Variants in CDC42 observed in about 807,000 individuals in gnomAD.
The protein encoded by CDC42 is cell division control protein 42 homolog.
CDC42 carries 1 observed loss-of-function variant against 20.8 expected under a neutral mutation model. The observed-to-expected ratio is 0.05, with a 90% CI of 0.02 to 0.23. The LOEUF is 0.23. Ranked by LOEUF, CDC42 falls within the 10% of genes least tolerant of loss-of-function variation. The pLI is 1.00. For synonymous variants in CDC42, 72 were observed against 84.8 expected, an observed-to-expected ratio of 0.85 and a Z score of 0.83; for missense variants, 49 against 227.9, an observed-to-expected ratio of 0.21 and a Z score of 5.05.
chr1:22,054,918 TATA>T (rs202044696), intron 1 of CDC42, among the ~76,000 whole-genome samples: 730 of 10,544 alleles, frequency 0.069, 10 homozygotes, highest in East Asian at 0.37. Flanking sequence ...TATATATATA[TATA>T]TTTTTTTTTT....
At position 22,096,029 on chromosome 1, in the gene CDC42, C is replaced by T. The variant is rs987257365; in HGVS notation, c.*4512C>T. Reference sequence around the variant, plus strand: ...GGCTGGAGTGCAGTGGTGGCATCTCCGCTCACTGCAACCTCCACCTCCCAG... The same window carrying T: ...GGCTGGAGTGCAGTGGTGGCATCTCTGCTCACTGCAACCTCCACCTCCCAG... On this transcript the variant is annotated 3_prime_UTR_variant, in exon 6 of 6. Coordinates refer to ENST00000656825, the MANE Select transcript of CDC42 (RefSeq NM_001791.4). 3.9e-5 allele frequency among the ~76,000 whole-genome samples: 6 copies of T among 151,908 alleles called. No homozygotes were observed. The highest frequency in any genetic ancestry group is 5.9e-5 in the Non-Finnish European group (4 of 67,988).
At chr1:22,057,047 A>G (rs1645311056) in intron 1 of CDC42, among the ~76,000 whole-genome samples, 1 of 152,250 alleles carries the variant, frequency 6.6e-6, no homozygotes, top group South Asian at 2.1e-4. Context: ...TTAAAAGCAT[A>G]GACTCTGGAA....
intron 1 of CDC42, among the ~76,000 whole-genome samples, chr1:22,058,653 T>G (rs1029990530): frequency 6.6e-5 from 10 of 151,754 alleles, no homozygotes; most frequent in African/African-American, 2.4e-4. Context: ...TGGCTGATCT[T>G]GTATTTTTAG....
chr1:22,095,985 G>C lies in CDC42; in HGVS notation c.*4468G>C, dbSNP rs1645755959. ...TATTTATTTATTTATTTTCAGACGG[G>C]GTCTTGCACTGTTGCCCGGGCTGGA... On this transcript the variant is annotated 3_prime_UTR_variant, in exon 6 of 6. Transcript: ENST00000656825. Among the ~76,000 whole-genome samples, 1 of 149,408 alleles carries C rather than the reference G, an allele frequency of 6.7e-6. No individual in the cohort carries two copies. The highest frequency in any genetic ancestry group is 2.5e-5 in the African/African-American group (1 of 39,832).
rs1017627543 is a variant in CDC42, at chr1:22,099,144, A to G, written c.*7627A>G. 6.6e-6 allele frequency among the ~76,000 whole-genome samples: 1 copy of G among 152,228 alleles called. No homozygotes were observed. Among genetic ancestry groups the G allele is most frequent in the Admixed American group, 6.5e-5 (1 of 15,282 alleles). On this transcript the variant is annotated 3_prime_UTR_variant, in exon 6 of 6. Coordinates refer to ENST00000656825, the MANE Select transcript of CDC42 (RefSeq NM_001791.4). ...TGGGGGCCCTGCTTCACCACGGCAT[A>G]GGGACGGGTGCAGTAGGAAGAAAGG...
rs1287733899 is a variant in CDC42, at chr1:22,092,530, A to C, written c.*1013A>C. 1 of 151,280 alleles carries C rather than the reference A, an allele frequency of 6.6e-6. No homozygotes were observed. Among genetic ancestry groups the C allele is most frequent in the Non-Finnish European group, 1.5e-5 (1 of 67,880 alleles). The allele number at this position is 151,280 out of a possible 1,614,324, so 9.4% of individuals were successfully genotyped here. A position where few individuals can be genotyped will look rare whatever the true frequency, so the allele number is the denominator to read the frequency against. On this transcript the variant is annotated 3_prime_UTR_variant, in exon 6 of 6. Coordinates refer to ENST00000656825, the MANE Select transcript of CDC42 (RefSeq NM_001791.4). ...TACGAGGGGTGGTGCTAGAAGACAG[A>C]CATCTGTGGAATGATTCACATCCTC...
rs1031922881 is a variant in CDC42, at chr1:22,097,978, G to T, written c.*6461G>T. Among the ~76,000 whole-genome samples the T allele has an allele frequency of 1.3e-5, 2 of 152,128 alleles. No individual in the cohort carries two copies. Among genetic ancestry groups the T allele is most frequent in the Non-Finnish European group, 2.9e-5 (2 of 68,044 alleles). On this transcript the variant is annotated 3_prime_UTR_variant, in exon 6 of 6. Transcript: ENST00000656825. ...GATTTTCAAGGCTAAGGTAAGTATA[G>T]CATTTTCTCAACCCTATTACAATAG...
chr1:22,082,572 T>G (rs1645619278), intron 3 of CDC42, among the ~76,000 whole-genome samples: 1 of 152,182 alleles, frequency 6.6e-6, no homozygotes, highest in African/African-American at 2.4e-5. Flanking sequence ...AAAGATATCC[T>G]TTAGAGTATC....
In CDC42 at chr1:22,090,225, A is replaced by G. The variant is rs1349158968; in HGVS notation, c.487-1203A>G. 3 of 1,272,530 alleles carry G rather than the reference A, an allele frequency of 2.4e-6. No individual in the cohort carries two copies. The East Asian group carries it at 9.1e-5, about 39-fold the overall frequency. 78.8% of individuals were successfully genotyped at this position (1,272,530 alleles called of 1,614,324 possible). On this transcript the variant is annotated intron_variant, in intron 5 of 5. Coordinates refer to ENST00000656825, the MANE Select transcript of CDC42 (RefSeq NM_001791.4). ...ATAAATTTTTTGTGATCAGTAGTCA[A>G]GTTGGACTTGTTTTAACGTTCTGCT...
intron 1 of CDC42, among the ~76,000 whole-genome samples, chr1:22,057,226 G>T (rs1193037407): frequency 6.6e-6 from 1 of 152,116 alleles, no homozygotes; most frequent in Non-Finnish European, 1.5e-5. Context: ...GAAGTGTTTA[G>T]GACTGTTCAC....
At chr1:22,053,460 T>A (rs768525711) in intron 1 of CDC42, 1 of 152,080 alleles carries the variant, frequency 6.6e-6, no homozygotes, top group Non-Finnish European at 1.5e-5. Flanking sequence ...TTCCATCCGC[T>A]CCTCCAGCCC....
At position 22,092,051 on chromosome 1, in the gene CDC42, A is replaced by G. The variant is rs1411619067; in HGVS notation, c.*534A>G. ...AAGGGGAGGAGGACGGATTGATTCCACATTCCACTTCCTAGATCTAGTTTA... is the reference window on the plus strand; with the variant it reads ...AAGGGGAGGAGGACGGATTGATTCCGCATTCCACTTCCTAGATCTAGTTTA... On this transcript the variant is annotated 3_prime_UTR_variant, in exon 6 of 6. Transcript: ENST00000656825. 1 of 152,310 alleles carries G rather than the reference A, an allele frequency of 6.6e-6. No homozygotes were observed. Among genetic ancestry groups the G allele is most frequent in the Non-Finnish European group, 1.5e-5 (1 of 68,010 alleles). The allele number at this position is 152,310 out of a possible 1,614,324, so 9.4% of individuals were successfully genotyped here.
Position 22,057,847 on chromosome 1 carries a change from C to G in CDC42, c.-51+5105C>G, listed in dbSNP as rs186929058. The stretch of plus-strand genomic sequence containing the variant: ...CAAGTGATTCTCCTGCTTCGGCCTC[C>G]TGAGTAGCTGGGATTACAGGTGTCC... On this transcript the variant is annotated intron_variant, in intron 1 of 5. Transcript: ENST00000656825. Among the ~76,000 whole-genome samples, 197 of 151,860 alleles carry G rather than the reference C, an allele frequency of 1.3e-3. 1 individual carries two copies. Among genetic ancestry groups the G allele is most frequent in the African/African-American group, 4.6e-3 (189 of 41,410 alleles).
intron 1 of CDC42, among the ~76,000 whole-genome samples, chr1:22,065,479 G>A (rs1645412352): frequency 6.6e-6 from 1 of 152,168 alleles, no homozygotes; most frequent in South Asian, 2.1e-4. Flanking sequence ...ATATTTAGAT[G>A]CTTTTACTTA....
At chr1:22,086,590 G>A (rs1343725171) in intron 4 of CDC42, 42 bp downstream of exon 4, 1 of 1,585,362 alleles carries the variant, frequency 6.3e-7, no homozygotes, top group East Asian at 2.2e-5. Flanking sequence ...GATCATCTCA[G>A]AATTTCTACT....
intron 1 of CDC42, chr1:22,068,775 A>T (rs1263165973): frequency 6.6e-6 from 1 of 152,246 alleles, no homozygotes; most frequent in Non-Finnish European, 1.5e-5. Flanking sequence ...TCTTTGCATG[A>T]ACTTCATGTA....
chr1:22,080,848 T>A (rs1455201541), intron 2 of CDC42, among the ~76,000 whole-genome samples: 1 of 152,214 alleles, frequency 6.6e-6, no homozygotes, highest in African/African-American at 2.4e-5. Flanking sequence ...TCATGCAGTT[T>A]GTGCCCAATA....
intron 3 of CDC42, among the ~76,000 whole-genome samples, chr1:22,086,150 C>T (rs1003812043): frequency 1.3e-5 from 2 of 152,086 alleles, no homozygotes; most frequent in African/African-American, 4.8e-5. Context: ...ATTTCTGTAG[C>T]AAGAGTTTAT....
chr1:22,078,398 A>C, intron 1 of CDC42, 31 bp from the exon 2 acceptor site: 1 of 1,088,382 alleles, frequency 9.2e-7, no homozygotes, highest in Non-Finnish European at 1.4e-6. Context: ...ATGTAAGTAT[A>C]AATAAACAAA....
Sources: gnomAD v4.1 joint callset for allele counts (sites outside exome capture counted in the v4.1 genomes callset) on GRCh38, gnomAD v4.1.1 for gene constraint, MANE v1.5 for transcripts, NCBI Gene and HGNC (gene_info 2026-07-23, HGNC 2026-07-21) for gene names.